EMSY: variants seen among roughly 807,000 people sequenced by gnomAD.
EMSY encodes BRCA2-interacting transcriptional repressor EMSY.
A neutral mutation model predicts 134.6 loss-of-function variants in EMSY; 26 were observed. The ratio of observed to expected loss-of-function variants is 0.19; its 90% CI spans 0.14 to 0.27. The LOEUF is 0.27. Ranked by LOEUF, EMSY falls within the 10% of genes least tolerant of loss-of-function variation. The pLI, the probability that EMSY is intolerant of heterozygous loss-of-function variation, is 1.00. For missense variants in EMSY, 1,305 were observed against 1,611.4 expected (o/e 0.81, Z 3.26); for synonymous variants, 579 against 577.8 (o/e 1.00, Z -0.03).
At chr11:76,448,073 CA>C (rs202089683) in intron 2 of EMSY, among the ~76,000 whole-genome samples, 3 of 149,490 alleles carry the variant, frequency 2.0e-5, no homozygotes, top group African/African-American at 2.5e-5. Context: ...TTTGTTAAAA[CA>C]AAAAAAAAGA....
At chr11:76,446,409 G>A (rs1163941063) in intron 1 of EMSY, among the ~76,000 whole-genome samples, 1 of 145,266 alleles carries the variant, frequency 6.9e-6, no homozygotes, top group African/African-American at 2.6e-5. Context: ...AAGCGAGCAC[G>A]AGGAGTTATT....
At chr11:76,489,838 C>T (rs7116583) in intron 8 of EMSY, among the ~76,000 whole-genome samples, 41,025 of 152,064 alleles carry the variant, frequency 0.27, 5,840 homozygotes, top group Non-Finnish European at 0.31. Flanking sequence ...CTTCTGACCT[C>T]TGGTGATCCA....
chr11:76,478,164 A>C (rs1310573551), intron 8 of EMSY, among the ~76,000 whole-genome samples: 1 of 152,068 alleles, frequency 6.6e-6, no homozygotes. Flanking sequence ...TATCAGTTCA[A>C]CATGGTTCCC....
intron 9 of EMSY, among the ~76,000 whole-genome samples, chr11:76,504,486 C>G (rs1045342642): frequency 6.6e-6 from 1 of 152,070 alleles, no homozygotes; most frequent in Non-Finnish European, 1.5e-5. Flanking sequence ...GTGAAATATA[C>G]TTTACACAAA....
intron 12 of EMSY, among the ~76,000 whole-genome samples, chr11:76,523,704 C>CTTTTTTTT (rs746491659): frequency 0.03 from 2,363 of 79,766 alleles, 6 homozygotes; most frequent in Middle Eastern, 0.065. Context: ...TTGTTACTTT[C>CTTTTTTTT]TTTTTTTTTT....
At chr11:76,483,365 C>G (rs1400431607) in intron 8 of EMSY, among the ~76,000 whole-genome samples, 3 of 152,130 alleles carry the variant, frequency 2.0e-5, no homozygotes, top group South Asian at 4.1e-4. Context: ...AAATAACCAG[C>G]TGGCATCATA....
intron 11 of EMSY, among the ~76,000 whole-genome samples, chr11:76,516,997 G>T (rs569855906): frequency 6.6e-6 from 1 of 152,178 alleles, no homozygotes; most frequent in African/African-American, 2.4e-5. Flanking sequence ...GGACCCTAAT[G>T]TGGAATGTTA....
In EMSY at chr11:76,523,704, CTTT is replaced by C. The variant is rs746491659; in HGVS notation, c.1821+432_1821+434del. Among the ~76,000 whole-genome samples the C allele has an allele frequency of 6.0e-3, 483 of 80,540 alleles. 4 individuals are homozygous for C. Among genetic ancestry groups the C allele is most frequent in the African/African-American group, 0.023 (443 of 19,410 alleles). The allele number at this position is 80,540 out of a possible 152,430, so 52.8% of individuals were successfully genotyped here. ...TTAATTGATGGGGATTTGTTACTTT[CTTT>C]TTTTTTTTTTTTTTTTTTCATTTTT... On this transcript the variant is annotated intron_variant, in intron 12 of 20. Coordinates refer to ENST00000334736, the Ensembl canonical transcript of EMSY.
chr11:76,499,797 C>T lies in EMSY; in HGVS notation c.1363+3328C>T, dbSNP rs1442759771. 2.6e-5 allele frequency among the ~76,000 whole-genome samples: 4 copies of T among 151,784 alleles called. No individual in the cohort carries two copies. The East Asian group carries it at 5.8e-4, about 22-fold the overall frequency. The stretch of plus-strand genomic sequence containing the variant: ...ATATTGTTTTGTTCTGTTTTCTTAG[C>T]GTTTGCTTATGGTATTACAGTATAC... On this transcript the variant is annotated intron_variant, in intron 9 of 20. Coordinates refer to ENST00000334736, the Ensembl canonical transcript of EMSY.
chr11:76,446,777 G>A (rs566576022), intron 1 of EMSY, 123 bp from the exon 2 acceptor site: 85 of 580,376 alleles, frequency 1.5e-4, no homozygotes, highest in Non-Finnish European at 2.4e-4. Context: ...GGTGAGAAAG[G>A]ATTGTAAAAT....
chr11:76,547,125 T>G, intron 20 of EMSY: 1 of 449,816 alleles, frequency 2.2e-6, no homozygotes, highest in Non-Finnish European at 4.5e-6. Context: ...TCTTGACATT[T>G]GTCATTCTTT....
chr11:76,490,926 A>C (rs1949395190), intron 8 of EMSY, among the ~76,000 whole-genome samples: 1 of 152,152 alleles, frequency 6.6e-6, no homozygotes, highest in South Asian at 2.1e-4. Flanking sequence ...AGCTGAGTTC[A>C]TAGTGATACA....
At chr11:76,510,414 T>G (rs116191099) in intron 9 of EMSY, among the ~76,000 whole-genome samples, 20 of 152,308 alleles carry the variant, frequency 1.3e-4, no homozygotes, top group African/African-American at 4.8e-4. Flanking sequence ...GATACAGACC[T>G]TAGAAACTGG....
chr11:76,536,195 C>G, intron 15 of EMSY, 136 bp downstream of exon 16: 1 of 565,258 alleles, frequency 1.8e-6, no homozygotes, highest in East Asian at 4.3e-5. Context: ...CATTTCCCCC[C>G]TCTGGACTTG....
rs1949724082 is a variant in EMSY, at chr11:76,498,176, G to T, written c.1363+1707G>T. ...TGATTTCTAGTTTGATTTCATTATG[G>T]TCTGAGAACACACTGTATCATTTCA... On this transcript the variant is annotated intron_variant, in intron 9 of 20. Transcript: ENST00000334736. 2.6e-5 allele frequency among the ~76,000 whole-genome samples: 4 copies of T among 152,044 alleles called. No individual in the cohort carries two copies. The South Asian group carries it at 8.3e-4, about 32-fold the overall frequency.
At chr11:76,528,492 A>T (rs757627451) in intron 14 of EMSY, 26 bp downstream of exon 15, 6 of 1,547,692 alleles carry the variant, frequency 3.9e-6, no homozygotes, top group Non-Finnish European at 3.6e-6. Flanking sequence ...CTTCTGATTT[A>T]TATAAGTACT....
chr11:76,454,035 C>T (rs1947775978), intron 4 of EMSY: 1 of 151,884 alleles, frequency 6.6e-6, no homozygotes, highest in Non-Finnish European at 1.5e-5. Context: ...GACAGTGCCT[C>T]CTAAAGAATA....
intron 20 of EMSY, 104 bp from the exon 22 acceptor site, chr11:76,549,848 C>CA (rs983430613): frequency 5.8e-5 from 64 of 1,104,896 alleles, no homozygotes; most frequent in Non-Finnish European, 7.0e-5. Flanking sequence ...TCCAGTTGTC[C>CA]AAAAAATGTC....
At chr11:76,542,753 G>GTTTTTTGTTTTTT (rs749234059) in intron 18 of EMSY, among the ~76,000 whole-genome samples, 4 of 109,238 alleles carry the variant, frequency 3.7e-5, no homozygotes, top group African/African-American at 1.2e-4. Context: ...TTCGTTTTTT[G>GTTTTTTGTTTTTT]TTTTTTTTTT....
Sources: allele counts gnomAD v4.1 joint callset (sites outside exome capture counted in the v4.1 genomes callset), GRCh38; gene constraint gnomAD v4.1.1; transcripts MANE v1.5; gene names NCBI Gene and HGNC (gene_info 2026-07-23, HGNC 2026-07-21).